LAS1L: variants seen among roughly 807,000 people sequenced by gnomAD.
LAS1L encodes ribosomal biogenesis protein LAS1L.
A neutral mutation model predicts 57.3 loss-of-function variants in LAS1L; 5 were observed. The ratio of observed to expected loss-of-function variants is 0.09; its 90% CI spans 0.05 to 0.18. LAS1L has a LOEUF of 0.18. Ranked by LOEUF, LAS1L falls within the 10% of genes least tolerant of loss-of-function variation. The pLI is 1.00. For missense variants in LAS1L, 360 were observed against 568.3 expected (o/e 0.63, Z 3.73); for synonymous variants, 245 against 231.7 (o/e 1.06, Z -0.52).
At chrX:65,514,534 GCACACACACACACA>G (rs56718186) in intron 13 of LAS1L, among the ~76,000 whole-genome samples, 3 of 88,835 alleles carry the variant, frequency 3.4e-5, no homozygotes, top group Admixed American at 1.2e-4. Context: ...GTGTGTGCCT[GCACACACACACACA>G]CACACACACA....
chrX:65,524,033 G>A (rs774199645), intron 10 of LAS1L, 23 bp downstream of exon 10: 2 of 1,195,660 alleles, frequency 1.7e-6, no homozygotes, highest in Admixed American at 4.4e-5. Context: ...TTAGGCCCTA[G>A]GGCTAGGGCT....
At chrX:65,522,710 AG>A (rs2068914104) in intron 11 of LAS1L, 1 of 112,062 alleles carries the variant, frequency 8.9e-6, no homozygotes, top group Non-Finnish European at 1.9e-5. Context: ...ATGGGATGCA[AG>A]GGTGAGAACT....
At position 65,534,764 on chromosome X, in the gene LAS1L, A is replaced by G. The variant is rs188902388; in HGVS notation, c.-49T>C. Reference sequence around the variant, plus strand: ...TGCCGCGCCGCTCCGCACAGCCTTCAGCTCAGCGTGCTACCCTCACTCCGA... The same window carrying G: ...TGCCGCGCCGCTCCGCACAGCCTTCGGCTCAGCGTGCTACCCTCACTCCGA... On this transcript the variant is annotated 5_prime_UTR_variant, in exon 1 of 14. Transcript: ENST00000374811. 9.3e-3 allele frequency: 9,493 copies of G among 1,025,272 alleles called. 43 individuals are homozygous for G. Among genetic ancestry groups the G allele is most frequent in the Non-Finnish European group, 0.011 (8,160 of 751,472 alleles). 84.5% of individuals were successfully genotyped at this position (1,025,272 alleles called of 1,213,427 possible).
At chrX:65,514,774 C>A in intron 13 of LAS1L, 49 bp downstream of exon 13, 1 of 1,104,528 alleles carries the variant, frequency 9.1e-7, no homozygotes, top group Non-Finnish European at 1.2e-6. Context: ...CTCCCTCCCA[C>A]AGGTGGCAGA....
rs1167577938 is a variant in LAS1L, at chrX:65,533,668, C to T, written c.304G>A (p.Val102Ile). The change falls in exon 2 of 14, where the codon GTA becomes ATA. Residue 102 changes from valine (V) to isoleucine (I), a missense_variant. Coordinates refer to ENST00000374811, the MANE Select transcript of LAS1L (RefSeq NM_031206.7). ...ADLIRCKLLDVTGGLGTDELR... is the reference protein window; with the variant it reads ...ADLIRCKLLDITGGLGTDELR... ...TCATCAGTGCCCAAGCCACCAGTTA[C>T]ATCCAAGAGCTTACAGCGTATCAGG... 1 of 1,208,694 alleles carries T rather than the reference C, an allele frequency of 8.3e-7. No homozygotes were observed. The highest frequency in any genetic ancestry group is 1.8e-5 in the African/African-American group (1 of 56,972).
rs1436845911 is a variant in LAS1L, at chrX:65,534,759, C to T, written c.-44G>A. 2 of 1,048,718 alleles carry T rather than the reference C, an allele frequency of 1.9e-6. No homozygotes were observed. The highest frequency in any genetic ancestry group is 6.6e-5 in the East Asian group (2 of 30,246). 86.4% of individuals were successfully genotyped at this position (1,048,718 alleles called of 1,213,427 possible). A position where few individuals can be genotyped will look rare whatever the true frequency, so the allele number is the denominator to read the frequency against. On this transcript the variant is annotated 5_prime_UTR_variant, in exon 1 of 14. Coordinates refer to ENST00000374811, the MANE Select transcript of LAS1L (RefSeq NM_031206.7). Reference sequence around the variant, plus strand: ...CTCTGTGCCGCGCCGCTCCGCACAGCCTTCAGCTCAGCGTGCTACCCTCAC... The same window carrying T: ...CTCTGTGCCGCGCCGCTCCGCACAGTCTTCAGCTCAGCGTGCTACCCTCAC...
intron 2 of LAS1L, among the ~76,000 whole-genome samples, chrX:65,533,092 C>T (rs2069582249): frequency 9.0e-6 from 1 of 110,961 alleles, no homozygotes; most frequent in South Asian, 3.8e-4. Context: ...GTGTATACAG[C>T]TAGAACCATT....
rs999121901 is a variant in LAS1L, at chrX:65,524,555, A to G, written c.1093+9T>C. ...TCTGGTTCTAGCTTCAGCTTTGTCA[A>G]TAACTCACTGTGTGACTTTGGGTCA... On this transcript the variant is annotated intron_variant, in intron 9 of 13. Coordinates refer to ENST00000374811, the MANE Select transcript of LAS1L (RefSeq NM_031206.7). 1 of 526,374 alleles carries G rather than the reference A, an allele frequency of 1.9e-6. No homozygotes were observed. The highest frequency in any genetic ancestry group is 3.6e-5 in the East Asian group (1 of 27,749). The allele number at this position is 526,374 out of a possible 1,213,427, so 43.4% of individuals were successfully genotyped here. A position where few individuals can be genotyped will look rare whatever the true frequency, so the allele number is the denominator to read the frequency against.
At chrX:65,520,363 C>G in intron 11 of LAS1L, 1 of 600,111 alleles carries the variant, frequency 1.7e-6, no homozygotes, top group Non-Finnish European at 2.0e-6. Flanking sequence ...TTCCACCTCC[C>G]AAGACTGCTG....
chrX:65,529,144 G>A (rs1422997197), intron 6 of LAS1L, 68 bp downstream of exon 6: 1 of 901,617 alleles, frequency 1.1e-6, no homozygotes, highest in Non-Finnish European at 1.6e-6. Context: ...CTTCTCTCAG[G>A]TAGCTGGCAA....
At chrX:65,532,143 T>C (rs867457422) in intron 3 of LAS1L, among the ~76,000 whole-genome samples, 1 of 112,089 alleles carries the variant, frequency 8.9e-6, no homozygotes, top group Admixed American at 9.5e-5. Flanking sequence ...TCTGGGCCTC[T>C]ACACAGTTCA....
intron 9 of LAS1L, 25 bp from the exon 10 acceptor site, chrX:65,524,287 G>C (rs758840845): frequency 1.8e-6 from 2 of 1,126,595 alleles, no homozygotes; most frequent in African/African-American, 3.6e-5. Flanking sequence ...ACACCCATTT[G>C]GGGGGGCAAT....
chrX:65,527,395 A>T (rs1419505514), intron 7 of LAS1L, among the ~76,000 whole-genome samples: 4 of 109,849 alleles, frequency 3.6e-5, no homozygotes, highest in African/African-American at 9.9e-5. Flanking sequence ...AATTAGCCAG[A>T]CATGGTAGTG....
In LAS1L at chrX:65,534,698, C is replaced by A. The variant is rs1427972306; in HGVS notation, c.18G>T (p.Gly6=). The A allele has an allele frequency of 8.5e-7, 1 of 1,169,891 alleles. No homozygotes were observed. The highest frequency in any genetic ancestry group is 1.8e-5 in the African/African-American group (1 of 55,420). Residue 6 remains glycine (G), a synonymous_variant, in exon 1 of 14, where the codon GGG becomes GGT. Transcript: ENST00000374811. MSWES[G]AGPGLGSQGM... is the part of the protein sequence containing the mutation. Reference sequence around the variant, plus strand: ...CCTGGGAACCTAGACCTGGCCCGGCCCCGGATTCCCACGACATACTGAGCT... The same window carrying A: ...CCTGGGAACCTAGACCTGGCCCGGCACCGGATTCCCACGACATACTGAGCT...
At position 65,534,560 on chromosome X, in the gene LAS1L, G is replaced by A; in HGVS notation, c.156C>T (p.Asp52=). ...CACAGAACAGATAAACCGTCACCTG[G>A]TCCCACTCGGCCCTGCTGAGCCAGG... ...VVAWLSRAEW[D]QVTVYLFCDD... Residue 52 remains aspartate (D), a synonymous_variant, in exon 1 of 14, where the codon GAC becomes GAT. Coordinates refer to ENST00000374811, the MANE Select transcript of LAS1L (RefSeq NM_031206.7). 7 of 1,208,257 alleles carry A rather than the reference G, an allele frequency of 5.8e-6. No homozygotes were observed. Among genetic ancestry groups the A allele is most frequent in the Non-Finnish European group, 7.8e-6 (7 of 893,744 alleles).
At chrX:65,529,166 T>C in intron 6 of LAS1L, 46 bp downstream of exon 6, 6 of 1,074,894 alleles carry the variant, frequency 5.6e-6, no homozygotes, top group Non-Finnish European at 7.8e-6. Flanking sequence ...AGGGAAGAAA[T>C]GGCTGGGGCA....
chrX:65,530,676 T>C (rs1173020484), intron 4 of LAS1L, among the ~76,000 whole-genome samples: 1 of 108,786 alleles, frequency 9.2e-6, no homozygotes, highest in Non-Finnish European at 1.9e-5. Context: ...TAGCCAGGCA[T>C]GGAGGCGCGT....
intron 3 of LAS1L, among the ~76,000 whole-genome samples, chrX:65,531,765 T>C (rs1192228814): frequency 9.0e-6 from 1 of 111,722 alleles, no homozygotes; most frequent in Non-Finnish European, 1.9e-5. Context: ...CTGGCCAAGA[T>C]GGTGAAACCC....
Position 65,532,601 on chromosome X carries a change from G to C in LAS1L, c.392C>G (p.Thr131Arg), listed in dbSNP as rs770719247. The change falls in exon 3 of 14, where the codon ACA becomes AGA. Residue 131 changes from threonine to arginine, a missense_variant. This residue lies in a region of LAS1L where 43 missense variants were observed against 78.0 expected (regional missense o/e 0.55). Coordinates refer to ENST00000374811, the MANE Select transcript of LAS1L (RefSeq NM_031206.7). ...RFVNLISERK[T>R]KFAKVPLKCL... ...CTTGAGGGGGACCTTGGCAAACTTT[G>C]TCTTCCTCTCTGAGATAAGATTCAC... 6 of 1,208,088 alleles carry C rather than the reference G, an allele frequency of 5.0e-6. No individual in the cohort carries two copies. The highest frequency in any genetic ancestry group is 6.7e-6 in the Non-Finnish European group (6 of 891,832).
Sources: allele counts gnomAD v4.1 joint callset (sites outside exome capture counted in the v4.1 genomes callset), GRCh38; gene constraint gnomAD v4.1.1; regional missense constraint gnomAD v4.1.1; transcripts MANE v1.5; gene names NCBI Gene and HGNC (gene_info 2026-07-23, HGNC 2026-07-21).